Variants in COPA observed in about 807,000 individuals in gnomAD.
The protein encoded by COPA is coatomer subunit alpha.
In COPA, 10 loss-of-function variants were observed where a neutral mutation model predicts 158.7. The ratio of observed to expected loss-of-function variants is 0.06; its 90% CI spans 0.04 to 0.11. The LOEUF (loss-of-function observed/expected upper bound fraction) is 0.11. Among genes scored for constraint, COPA ranks in the 10% least tolerant of loss-of-function variants. The probability of loss-of-function intolerance (pLI) is 1.00; values close to 1 mark genes in which losing one functional copy is unlikely to be tolerated. For synonymous variants in COPA, 462 were observed against 542.8 expected (o/e 0.85, Z 2.07); for missense variants, 1,065 against 1,536.7 (o/e 0.69, Z 5.13).
intron 6 of COPA, among the ~76,000 whole-genome samples, chr1:160,329,784 TTC>T (rs1557874011): frequency 6.6e-6 from 1 of 152,222 alleles, no homozygotes; most frequent in Non-Finnish European, 1.5e-5. Flanking sequence ...TAGCACTTAA[TTC>T]TCTCACAGAA....
At chr1:160,325,271 T>C (rs1403599016) in intron 7 of COPA, among the ~76,000 whole-genome samples, 1 of 152,234 alleles carries the variant, frequency 6.6e-6, no homozygotes, top group South Asian at 2.1e-4. Flanking sequence ...AGCTTGAGAA[T>C]GGGCTCTGCT....
At chr1:160,291,240 T>C in intron 31 of COPA, 95 bp downstream of exon 31, 1 of 1,359,002 alleles carries the variant, frequency 7.4e-7, no homozygotes, top group Non-Finnish European at 1.0e-6. Context: ...ATGTTGTTAT[T>C]TATTGCTTTG....
Position 160,290,205 on chromosome 1 carries a change from A to G in COPA, c.3627T>C (p.Ile1209=). The G allele has an allele frequency of 1.2e-6, 2 of 1,614,130 alleles. No individual in the cohort carries two copies. The highest frequency in any genetic ancestry group is 1.7e-6 in the Non-Finnish European group (2 of 1,180,016). The part of the protein sequence containing the change: ...QICRVTTVTE[I]GKDVIGLRIS... Reference sequence around the variant, plus strand: ...TCCTTAAACCAATCACATCTTTGCCAATCTCTGTCACCTGTGGAAAAACAA... The same window carrying G: ...TCCTTAAACCAATCACATCTTTGCCGATCTCTGTCACCTGTGGAAAAACAA... Residue 1209 remains isoleucine, a synonymous_variant, in exon 33 of 33, where the codon ATT becomes ATC. Coordinates refer to ENST00000241704, the MANE Select transcript of COPA (RefSeq NM_004371.4).
Position 160,313,140 on chromosome 1 carries a change from G to A in COPA, c.870C>T (p.Asp290=), listed in dbSNP as rs1198925376. 1 of 1,614,128 alleles carries A rather than the reference G, an allele frequency of 6.2e-7. No individual in the cohort carries two copies. Among genetic ancestry groups the A allele is most frequent in the East Asian group, 2.2e-5 (1 of 44,876 alleles). The change falls in exon 10 of 33, where the codon GAC becomes GAT. Residue 290 remains aspartate (D), a synonymous_variant. Transcript: ENST00000241704. The part of the protein sequence containing the change: ...KRTGVQTFRR[D]HDRFWVLAAH... ...CAGCTAGGACCCAGAAACGATCATGGTCTCTGCGGAAAGTCTGAACCCCAG... is the reference window on the plus strand; with the variant it reads ...CAGCTAGGACCCAGAAACGATCATGATCTCTGCGGAAAGTCTGAACCCCAG...
Position 160,297,585 on chromosome 1 carries a change from A to G in COPA, c.2138T>C (p.Leu713Ser). 6.2e-7 allele frequency: 1 copy of G among 1,614,100 alleles called. No homozygotes were observed. Among genetic ancestry groups the G allele is most frequent in the Non-Finnish European group, 8.5e-7 (1 of 1,180,006 alleles). ...CTTCATCATCTTGCGAAGTTTTTCT[A>G]AGTTGCCAGTGATAAGATACAGGAA... Reference protein sequence around the residue: ...LSFLYLITGNLEKLRKMMKIA... With the variant: ...LSFLYLITGNSEKLRKMMKIA... Residue 713 changes from leucine to serine, a missense_variant, in exon 20 of 33, where the codon TTA becomes TCA. Transcript: ENST00000241704.
At chr1:160,294,879 C>G in intron 23 of COPA, 22 bp from the exon 24 acceptor site, 1 of 1,607,882 alleles carries the variant, frequency 6.2e-7, no homozygotes. Flanking sequence ...AGGAACAGAA[C>G]GGAACTGGTT....
Position 160,305,405 on chromosome 1 carries a change from C to T in COPA, c.1667+28G>A, listed in dbSNP as rs1658750637. On this transcript the variant is annotated intron_variant, in intron 17 of 32. Transcript: ENST00000241704. ...GTGATTTCAGGAAGCTGTCTTCTCC[C>T]ATTCTGTATCCCAGATAATTAACTT... The T allele has an allele frequency of 3.1e-6, 5 of 1,608,742 alleles. No homozygotes were observed. In the East Asian group the frequency reaches 1.1e-4, roughly 36 times the overall value.
intron 3 of COPA, among the ~76,000 whole-genome samples, chr1:160,337,886 C>T (rs6685911): frequency 0.64 from 97,528 of 151,760 alleles, 32,834 homozygotes; most frequent in African/African-American, 0.86. Flanking sequence ...AAGTATAAAA[C>T]TCAATGGCTT....
intron 7 of COPA, among the ~76,000 whole-genome samples, chr1:160,325,207 A>G (rs1483114705): frequency 6.6e-6 from 1 of 152,124 alleles, no homozygotes; most frequent in Non-Finnish European, 1.5e-5. Context: ...AAAGTTACAC[A>G]TGGCTGGTTC....
At chr1:160,308,935 T>C (rs1285187749) in intron 13 of COPA, 166 bp downstream of exon 13, 2 of 576,248 alleles carry the variant, frequency 3.5e-6, no homozygotes, top group Non-Finnish European at 6.3e-6. Context: ...GGAACATGAA[T>C]ATTTCACACC....
chr1:160,324,285 C>CTTTTT (rs750360211), intron 7 of COPA, among the ~76,000 whole-genome samples: 2 of 102,348 alleles, frequency 2.0e-5, no homozygotes, highest in African/African-American at 7.1e-5. Context: ...CTTCTTCATT[C>CTTTTT]TTTTTTTTTT....
chr1:160,343,110 C>T (rs1350082199), intron 1 of COPA, 21 bp downstream of exon 1: 2 of 1,613,966 alleles, frequency 1.2e-6, no homozygotes, highest in South Asian at 1.1e-5. Flanking sequence ...CCTCCATGTT[C>T]CCCCTTTTAT....
intron 17 of COPA, among the ~76,000 whole-genome samples, chr1:160,302,022 A>G (rs1658623353): frequency 6.6e-6 from 1 of 152,128 alleles, no homozygotes; most frequent in Non-Finnish European, 1.5e-5. Flanking sequence ...TTAATTCCAC[A>G]TTGCTGGAGA....
chr1:160,336,235 C>T (rs982983103), intron 3 of COPA, among the ~76,000 whole-genome samples: 3 of 151,228 alleles, frequency 2.0e-5, no homozygotes, highest in South Asian at 4.2e-4. Flanking sequence ...TGGGAGGCTG[C>T]GGCAGCAGGA....
intron 6 of COPA, among the ~76,000 whole-genome samples, chr1:160,331,393 C>G (rs887042288): frequency 6.6e-6 from 1 of 152,104 alleles, no homozygotes; most frequent in Non-Finnish European, 1.5e-5. Flanking sequence ...GGGCTCATGT[C>G]TGTAATCCCA....
At chr1:160,332,886 T>TA (rs1330952395) in intron 5 of COPA, among the ~76,000 whole-genome samples, 1 of 152,230 alleles carries the variant, frequency 6.6e-6, no homozygotes, top group Non-Finnish European at 1.5e-5. Context: ...TGTGAGATTT[T>TA]AGTAGGGTAT....
chr1:160,290,409 A>G, intron 32 of COPA, 83 bp downstream of exon 32: 2 of 1,504,140 alleles, frequency 1.3e-6, no homozygotes, highest in East Asian at 2.3e-5. Context: ...GACAAGCACA[A>G]GAAGAAAAAA....
At chr1:160,337,587 C>T (rs796455091) in intron 3 of COPA, among the ~76,000 whole-genome samples, 115 of 152,178 alleles carry the variant, frequency 7.6e-4, no homozygotes, top group African/African-American at 2.6e-3. Flanking sequence ...GGCTTGGTGG[C>T]GCATGCCTGT....
chr1:160,313,047 GAATT>G, intron 10 of COPA, 34 bp downstream of exon 10: 1 of 1,569,992 alleles, frequency 6.4e-7, no homozygotes, highest in Non-Finnish European at 8.7e-7. Flanking sequence ...TATAAACTTT[GAATT>G]AAGCAAAGAA....
Sources: allele counts gnomAD v4.1 joint callset (sites outside exome capture counted in the v4.1 genomes callset), GRCh38; gene constraint gnomAD v4.1.1; transcripts MANE v1.5; gene names NCBI Gene and HGNC (gene_info 2026-07-23, HGNC 2026-07-21).